Variants in TYK2 observed in about 807,000 individuals in gnomAD.
TYK2 encodes the protein non-receptor tyrosine-protein kinase TYK2.
Under a neutral mutation model 130.9 loss-of-function variants are expected in TYK2, and 65 were observed. That is an observed-to-expected ratio of 0.50 (90% CI 0.41 to 0.61). TYK2 has a LOEUF of 0.61. TYK2 is among the 20% of genes least tolerant of loss of function. TYK2 has a pLI of 0.00. For synonymous variants in TYK2, 647 were observed against 658.9 expected, an observed-to-expected ratio of 0.98 and a Z score of 0.28; for missense variants, 1,378 against 1,610.7, an observed-to-expected ratio of 0.86 and a Z score of 2.47.
chr19:10,352,817 C>T, intron 22 of TYK2, 109 bp downstream of exon 22: 1 of 1,398,000 alleles, frequency 7.2e-7, no homozygotes, highest in Non-Finnish European at 9.6e-7. Flanking sequence ...TAGGCCCCGC[C>T]GCGCTTCACT....
At chr19:10,357,667 G>A (rs1025578170) in intron 17 of TYK2, 97 bp downstream of exon 17, 2 of 1,511,408 alleles carry the variant, frequency 1.3e-6, no homozygotes, top group African/African-American at 1.4e-5. Context: ...GAAGTCACGA[G>A]GCCAGAAGGG....
chr19:10,352,553 TA>T lies in TYK2; in HGVS notation c.3201-3del. ...TCCTTCAGGCACTCTGGGGCATACC[TA>T]GGGGGAGGGGGGCACTCAGGCCACG... On this transcript the variant is annotated splice_polypyrimidine_tract_variant and splice_region_variant and intron_variant, in intron 22 of 24. Transcript: ENST00000525621. 1 of 1,136,566 alleles carries T rather than the reference TA, an allele frequency of 8.8e-7. No homozygotes were observed. The highest frequency in any genetic ancestry group is 1.2e-6 in the Non-Finnish European group (1 of 824,770). The allele number at this position is 1,136,566 out of a possible 1,614,324, so 70.4% of individuals were successfully genotyped here.
At chr19:10,369,669 C>T (rs1377686109) in intron 3 of TYK2, 1 of 448,144 alleles carries the variant, frequency 2.2e-6, no homozygotes, top group Non-Finnish European at 4.5e-6. Flanking sequence ...CAAACCTCAA[C>T]CCCAATCCAG....
Position 10,357,814 on chromosome 19 carries a change from C to G in TYK2, c.2416G>C (p.Glu806Gln). 6.2e-7 allele frequency: 1 copy of G among 1,613,574 alleles called. No homozygotes were observed. The highest frequency in any genetic ancestry group is 8.5e-7 in the Non-Finnish European group (1 of 1,179,940). Residue 806 changes from glutamate to glutamine, a missense_variant, in exon 17 of 25, where the codon GAG becomes CAG. Coordinates refer to ENST00000525621, the MANE Select transcript of TYK2 (RefSeq NM_003331.5). ...DKWGFGATLL[E>Q]ICFDGEAPLQ... is the part of the protein sequence containing the mutation. ...GGGGCCTCTCCGTCAAAGCAGATCTCCAGGAGGGTGGCGCCAAACCCCCAC... is the reference window on the plus strand; with the variant it reads ...GGGGCCTCTCCGTCAAAGCAGATCTGCAGGAGGGTGGCGCCAAACCCCCAC...
intron 14 of TYK2, among the ~76,000 whole-genome samples, chr19:10,360,676 G>GAA (rs555336618): frequency 2.0e-5 from 3 of 147,848 alleles, no homozygotes; most frequent in African/African-American, 7.5e-5. Flanking sequence ...TGGGGGAGAT[G>GAA]CACACACACA....
chr19:10,358,234 C>T, intron 15 of TYK2, 96 bp from the exon 16 acceptor site: 1 of 1,203,312 alleles, frequency 8.3e-7, no homozygotes, highest in Non-Finnish European at 1.1e-6. Flanking sequence ...GTGAAAAGGA[C>T]AACTGTGACT....
At chr19:10,367,692 G>C (rs559394640) in intron 5 of TYK2, among the ~76,000 whole-genome samples, 1 of 151,386 alleles carries the variant, frequency 6.6e-6, no homozygotes, top group Non-Finnish European at 1.5e-5. Flanking sequence ...AGGCCGAGGC[G>C]GGCAGATCAC....
chr19:10,365,142 GC>G, intron 7 of TYK2, 94 bp from the exon 8 acceptor site: 1 of 1,391,132 alleles, frequency 7.2e-7, no homozygotes, highest in Non-Finnish European at 9.6e-7. Context: ...AGCCAGAAGG[GC>G]CAGGCACCAA....
intron 3 of TYK2, among the ~76,000 whole-genome samples, chr19:10,374,834 G>A (rs970596475): frequency 5.9e-5 from 9 of 151,446 alleles, no homozygotes; most frequent in African/African-American, 2.2e-4. Flanking sequence ...AGTGAGCCAA[G>A]ATTGTGCCAT....
intron 15 of TYK2, 76 bp from the exon 16 acceptor site, chr19:10,358,214 G>A (rs1034866468): frequency 1.4e-6 from 2 of 1,444,518 alleles, no homozygotes; most frequent in East Asian, 4.9e-5. Context: ...TCCCCATAGG[G>A]ACAGCCAATG....
Position 10,361,443 on chromosome 19 carries a change from G to C in TYK2, c.2047+68C>G. 7.5e-7 allele frequency: 1 copy of C among 1,336,350 alleles called. No individual in the cohort carries two copies. Among genetic ancestry groups the C allele is most frequent in the Non-Finnish European group, 1.0e-6 (1 of 1,002,742 alleles). The allele number at this position is 1,336,350 out of a possible 1,614,324, so 82.8% of individuals were successfully genotyped here. A position where few individuals can be genotyped will look rare whatever the true frequency, so the allele number is the denominator to read the frequency against. The stretch of plus-strand genomic sequence containing the variant: ...GGTGTAGGTCGAGGGTTGGGGTACA[G>C]ATCAGGGAGTGGGTATAAGTCAGGG... On this transcript the variant is annotated intron_variant, in intron 14 of 24. Coordinates refer to ENST00000525621, the MANE Select transcript of TYK2 (RefSeq NM_003331.5). The surrounding 1 kb of genome is among the most constrained non-coding windows in gnomAD (Gnocchi z 4.0).
In TYK2 at chr19:10,359,144, C is replaced by T. The variant is rs1176657164; in HGVS notation, c.2175+31G>A. On this transcript the variant is annotated intron_variant, in intron 15 of 24. Coordinates refer to ENST00000525621, the MANE Select transcript of TYK2 (RefSeq NM_003331.5). ...CTCCTGGGCTCCTGGCCCTCCCTGA[C>T]CGACCCAGGCCCCACACACAGGCCA... The T allele has an allele frequency of 2.5e-6, 4 of 1,597,862 alleles. No homozygotes were observed. The East Asian group carries it at 8.9e-5, about 36-fold the overall frequency.
chr19:10,378,718 C>T (rs940055395), intron 2 of TYK2, among the ~76,000 whole-genome samples: 2 of 152,210 alleles, frequency 1.3e-5, no homozygotes, highest in African/African-American at 4.8e-5. Context: ...CAGTGGCTCA[C>T]GCCTCTAATC....
rs2040943496 is a variant in TYK2 at position 10,353,899 on chromosome 19, C to T, written c.2908+143G>A. ...GGGAAGGAGGCAGCCCAGCCACGCT[C>T]ACCCAGATGCCAAGAACCGCGTACT... is the stretch of plus-strand genomic sequence containing the variant. On this transcript the variant is annotated intron_variant, in intron 20 of 24. Coordinates refer to ENST00000525621, the MANE Select transcript of TYK2 (RefSeq NM_003331.5). This position sits in a 1 kb window ranked among gnomAD's most constrained non-coding sequence, Gnocchi z 6.9. 1.1e-6 allele frequency: 1 copy of T among 938,576 alleles called. No homozygotes were observed. Among genetic ancestry groups the T allele is most frequent in the African/African-American group, 1.6e-5 (1 of 61,480 alleles). 58.1% of individuals were successfully genotyped at this position (938,576 alleles called of 1,614,324 possible).
At chr19:10,377,769 A>G (rs1384956674) in intron 3 of TYK2, among the ~76,000 whole-genome samples, 164 of 15,196 alleles carry the variant, frequency 0.011, no homozygotes, top group Middle Eastern at 0.045. Context: ...TGGGTGGGTG[A>G]GTAGGTGGAT....
At chr19:10,356,510 G>A (rs888361839) in intron 18 of TYK2, 58 bp downstream of exon 18, 3 of 1,604,078 alleles carry the variant, frequency 1.9e-6, no homozygotes, top group Non-Finnish European at 2.5e-6. Flanking sequence ...TAGGCATACA[G>A]CAGGGATCCC....
chr19:10,373,693 T>G (rs2042007025), intron 3 of TYK2, among the ~76,000 whole-genome samples: 1 of 152,150 alleles, frequency 6.6e-6, no homozygotes, highest in Non-Finnish European at 1.5e-5. Context: ...CTAGTCAGAC[T>G]GCTTCACTCT....
At position 10,350,984 on chromosome 19, in the gene TYK2, A is replaced by C; in HGVS notation, c.3430-16T>G. ...GATGATAGACCTAGAAGGAAAAACC[A>C]GGGCTGGTGGGGGCTGCCCTCTCCA... On this transcript the variant is annotated splice_polypyrimidine_tract_variant and intron_variant, in intron 24 of 24. Transcript: ENST00000525621. 6.2e-7 allele frequency: 1 copy of C among 1,614,184 alleles called. No homozygotes were observed. Among genetic ancestry groups the C allele is most frequent in the Non-Finnish European group, 8.5e-7 (1 of 1,180,032 alleles).
In TYK2 at chr19:10,365,885, T is replaced by C; in HGVS notation, c.643A>G (p.Ile215Val). 6.2e-7 allele frequency: 1 copy of C among 1,609,766 alleles called. No homozygotes were observed. Among genetic ancestry groups the C allele is most frequent in the East Asian group, 2.2e-5 (1 of 44,796 alleles). Residue 215 changes from isoleucine (I) to valine (V), a missense_variant, in exon 7 of 25, where the codon ATC (isoleucine) becomes GTC (valine). Coordinates refer to ENST00000525621, the MANE Select transcript of TYK2 (RefSeq NM_003331.5). ...ATATGCCGGCGGAAGGAGCGCGGGA[T>C]GCAGTCCTTGAAGCTGGGGGGAAAC... ...VAKKTSFKDC[I>V]PRSFRRHIRQ...
Sources: gnomAD v4.1 joint callset for allele counts (sites outside exome capture counted in the v4.1 genomes callset) on GRCh38, gnomAD v4.1.1 for gene constraint, Gnocchi (gnomAD v3.1) non-coding constraint, MANE v1.5 for transcripts, NCBI Gene and HGNC (gene_info 2026-07-23, HGNC 2026-07-21) for gene names.